Variants in TBX20 observed in about 807,000 individuals in gnomAD.
TBX20 encodes the protein T-box transcription factor 20.
TBX20 carries 8 observed loss-of-function variants against 42.9 expected under a neutral mutation model. The observed-to-expected ratio is 0.19, with a 90% CI of 0.11 to 0.34. TBX20 has a LOEUF of 0.34. Among genes scored for constraint, TBX20 ranks in the 10% least tolerant of loss-of-function variants. The pLI is 1.00. For synonymous variants in TBX20, 198 were observed against 222.8 expected, an observed-to-expected ratio of 0.89 and a Z score of 0.99; for missense variants, 411 against 566.0, an observed-to-expected ratio of 0.73 and a Z score of 2.78.
intron 6 of TBX20, among the ~76,000 whole-genome samples, chr7:35,231,237 A>G (rs1789860429): frequency 6.6e-6 from 1 of 152,248 alleles, no homozygotes; most frequent in Non-Finnish European, 1.5e-5. Flanking sequence ...CTAAGTCTTT[A>G]ATAACAACAA....
At chr7:35,240,827 C>A in intron 5 of TBX20, 52 bp downstream of exon 5, 1 of 1,527,782 alleles carries the variant, frequency 6.5e-7, no homozygotes, top group Non-Finnish European at 9.1e-7. Context: ...AATATAAGAA[C>A]CTCCTAAATC....
chr7:35,253,432 G>A, intron 1 of TBX20, 62 bp downstream of exon 1: 1 of 1,567,158 alleles, frequency 6.4e-7, no homozygotes, highest in Non-Finnish European at 8.6e-7. Context: ...CCTGCAGCCA[G>A]GGGCACAGAC....
chr7:35,250,082 C>T lies in TBX20; in HGVS notation c.249G>A (p.Glu83=), dbSNP rs1166964467. Residue 83 remains glutamate, a synonymous_variant, in exon 2 of 8, where the codon GAG becomes GAA. Transcript: ENST00000408931. The part of the protein sequence containing the change: ...SSPSSSSLCT[E]PLIPTTPIIP... The stretch of plus-strand genomic sequence containing the variant: ...TGATGGGGGTGGTGGGGATCAGTGG[C>T]TCAGTGCACAGAGAGGAGGAGGACG... 1 of 1,613,814 alleles carries T rather than the reference C, an allele frequency of 6.2e-7. No individual in the cohort carries two copies. Among genetic ancestry groups the T allele is most frequent in the Non-Finnish European group, 8.5e-7 (1 of 1,179,966 alleles).
intron 6 of TBX20, among the ~76,000 whole-genome samples, chr7:35,215,000 AAG>A (rs1338848715): frequency 3.9e-5 from 6 of 152,208 alleles, no homozygotes; most frequent in Admixed American, 3.9e-4. Flanking sequence ...TTTTTAAAAA[AAG>A]AGTGTAATAG....
intron 5 of TBX20, among the ~76,000 whole-genome samples, chr7:35,231,812 T>G (rs144972406): frequency 3.9e-5 from 6 of 152,088 alleles, no homozygotes; most frequent in Non-Finnish European, 1.5e-5. Context: ...GGTTGACAGA[T>G]AGATACAATT....
At chr7:35,204,259 C>T (rs1789356470) in intron 7 of TBX20, among the ~76,000 whole-genome samples, 1 of 152,030 alleles carries the variant, frequency 6.6e-6, no homozygotes, top group Non-Finnish European at 1.5e-5. Flanking sequence ...CCATAGGAAA[C>T]CTGCAGGCAG....
intron 6 of TBX20, among the ~76,000 whole-genome samples, chr7:35,223,304 G>C (rs1584346830): frequency 6.6e-6 from 1 of 152,134 alleles, no homozygotes; most frequent in Non-Finnish European, 1.5e-5. Flanking sequence ...CTCTTAGGGG[G>C]ACAGGGAAAA....
At chr7:35,221,363 CTT>C (rs1026424080) in intron 6 of TBX20, among the ~76,000 whole-genome samples, 3 of 149,900 alleles carry the variant, frequency 2.0e-5, no homozygotes, top group Admixed American at 6.6e-5. Context: ...TCAATTAAGA[CTT>C]GAATTTTCAA....
intron 4 of TBX20, among the ~76,000 whole-genome samples, chr7:35,242,207 G>T (rs1489364534): frequency 6.6e-6 from 1 of 152,176 alleles, no homozygotes; most frequent in Non-Finnish European, 1.5e-5. Flanking sequence ...GTCACTGTGG[G>T]ATAACTGATA....
chr7:35,236,832 G>T (rs1789976169), intron 5 of TBX20, among the ~76,000 whole-genome samples: 1 of 152,184 alleles, frequency 6.6e-6, no homozygotes, highest in African/African-American at 2.4e-5. Context: ...ACTCAGCAAT[G>T]AAATGACATA....
chr7:35,210,677 C>A (rs1789482697), intron 6 of TBX20, among the ~76,000 whole-genome samples: 1 of 152,080 alleles, frequency 6.6e-6, no homozygotes, highest in South Asian at 2.1e-4. Context: ...TAGTAAAATT[C>A]TTTTCTCTGA....
rs1302096851 is a variant in TBX20 at position 35,244,965 on chromosome 7, A to G, written c.638T>C (p.Leu213Pro). 2 of 1,613,410 alleles carry G rather than the reference A, an allele frequency of 1.2e-6. No homozygotes were observed. The highest frequency in any genetic ancestry group is 1.7e-5 in the Admixed American group (1 of 60,004). The change falls in exon 4 of 8, where the codon CTG becomes CCG. Residue 213 changes from leucine to proline, a missense_variant. Leu to Pro is a moderately conservative substitution (Grantham distance 98). This residue lies in a region of TBX20 where 121 missense variants were observed against 165.9 expected (regional missense o/e 0.73). Transcript: ENST00000408931. ...FEKVKLTNNE[L>P]DQHGHIILNS... ...GGTACTTACATGGCCATGTTGATCC[A>G]GTTCATTGTTGGTGAGTTTCACCTT...
At chr7:35,217,862 A>G (rs1228419224) in intron 6 of TBX20, among the ~76,000 whole-genome samples, 6 of 152,154 alleles carry the variant, frequency 3.9e-5, no homozygotes. Flanking sequence ...CTGGGATTAC[A>G]GGCATGCACC....
chr7:35,208,439 T>C (rs912726947), intron 6 of TBX20, among the ~76,000 whole-genome samples: 2 of 152,120 alleles, frequency 1.3e-5, no homozygotes, highest in Non-Finnish European at 2.9e-5. Flanking sequence ...TGTACAATGT[T>C]GAATTAGCAG....
chr7:35,231,128 A>G (rs1293138296), intron 6 of TBX20, among the ~76,000 whole-genome samples: 1 of 152,214 alleles, frequency 6.6e-6, no homozygotes, highest in Non-Finnish European at 1.5e-5. Context: ...TCTTTGTGTT[A>G]GCAAATATAT....
chr7:35,243,014 G>T (rs1231518688), intron 4 of TBX20, among the ~76,000 whole-genome samples: 1 of 152,050 alleles, frequency 6.6e-6, no homozygotes, highest in Non-Finnish European at 1.5e-5. Flanking sequence ...GTCTTGCTCT[G>T]TCACCCAGGC....
chr7:35,230,003 A>G (rs1378721387), intron 6 of TBX20, among the ~76,000 whole-genome samples: 7 of 152,060 alleles, frequency 4.6e-5, no homozygotes, highest in African/African-American at 9.7e-5. Flanking sequence ...TTTTCTCCCA[A>G]TATATCACGT....
At chr7:35,225,197 C>A (rs1404356426) in intron 6 of TBX20, among the ~76,000 whole-genome samples, 1 of 152,060 alleles carries the variant, frequency 6.6e-6, no homozygotes, top group African/African-American at 2.4e-5. Context: ...AGGCAGATTT[C>A]TAATTTAAAA....
intron 6 of TBX20, among the ~76,000 whole-genome samples, chr7:35,224,198 T>C (rs1190388755): frequency 6.6e-6 from 1 of 152,212 alleles, no homozygotes; most frequent in African/African-American, 2.4e-5. Context: ...CTTTTCAAAC[T>C]GATTCTAACA....
Sources: allele counts gnomAD v4.1 joint callset (sites outside exome capture counted in the v4.1 genomes callset), GRCh38; gene constraint gnomAD v4.1.1; regional missense constraint gnomAD v4.1.1; transcripts MANE v1.5; gene names NCBI Gene and HGNC (gene_info 2026-07-23, HGNC 2026-07-21).